Variants in AMPH observed in about 807,000 individuals in gnomAD.
AMPH encodes amphiphysin.
AMPH carries 49 observed loss-of-function variants against 99.1 expected under a neutral mutation model. That is an observed-to-expected ratio of 0.49 (90% CI 0.39 to 0.63). AMPH has a LOEUF of 0.63. Ranked by LOEUF, AMPH falls within the 20% of genes least tolerant of loss-of-function variation. The pLI is 0.00. For missense variants in AMPH, 759 were observed against 863.4 expected, an observed-to-expected ratio of 0.88 and a Z score of 1.52; for synonymous variants, 314 against 317.3, an observed-to-expected ratio of 0.99 and a Z score of 0.11.
At chr7:38,528,471 G>A (rs1790274516) in intron 2 of AMPH, among the ~76,000 whole-genome samples, 3 of 152,110 alleles carry the variant, frequency 2.0e-5, no homozygotes, top group Admixed American at 1.3e-4. Context: ...AGTGGTTTGT[G>A]ATTGTAAAGG....
intron 5 of AMPH, among the ~76,000 whole-genome samples, chr7:38,478,685 TA>T (rs1233558739): frequency 6.6e-6 from 1 of 152,122 alleles, no homozygotes; most frequent in Admixed American, 6.5e-5. Flanking sequence ...TGACTACGAC[TA>T]ATATGTTAAA....
intron 2 of AMPH, among the ~76,000 whole-genome samples, chr7:38,521,912 C>G (rs1272462723): frequency 3.3e-5 from 5 of 152,290 alleles, no homozygotes; most frequent in African/African-American, 1.2e-4. Context: ...TGTCACCAGA[C>G]ATTGAAAATT....
chr7:38,609,504 GA>G (rs1793551554), intron 1 of AMPH, among the ~76,000 whole-genome samples: 1 of 152,098 alleles, frequency 6.6e-6, no homozygotes, highest in Non-Finnish European at 1.5e-5. Context: ...GACATCCCAG[GA>G]ATTCCACAAA....
In AMPH at chr7:38,417,826, A is replaced by C. The variant is rs1298578737; in HGVS notation, c.1397T>G (p.Val466Gly). 6.2e-7 allele frequency: 1 copy of C among 1,613,870 alleles called. No homozygotes were observed. Among genetic ancestry groups the C allele is most frequent in the South Asian group, 1.1e-5 (1 of 91,072 alleles). Residue 466 changes from valine (V) to glycine (G), a missense_variant and splice_region_variant, in exon 17 of 21, where the codon GTG (valine) becomes GGG (glycine). This residue lies in a region of AMPH where 554 missense variants were observed against 575.6 expected (regional missense o/e 0.96). Coordinates refer to ENST00000356264, the MANE Select transcript of AMPH (RefSeq NM_001635.4). The stretch of plus-strand genomic sequence containing the variant: ...GGGTGAGAGGGAGGTGGTGCTCACC[A>C]CTGCCTCCTCCACTGGCTCCTCAGC... ...TRAEEPVEEA[V>G]IIPGADADAA...
intron 1 of AMPH, among the ~76,000 whole-genome samples, chr7:38,586,833 A>C (rs1188085298): frequency 6.6e-6 from 1 of 152,258 alleles, no homozygotes; most frequent in South Asian, 2.1e-4. Flanking sequence ...CCAACAGGAT[A>C]GATCTATTTT....
At chr7:38,386,457 A>G (rs1206884275) in intron 20 of AMPH, among the ~76,000 whole-genome samples, 2 of 152,212 alleles carry the variant, frequency 1.3e-5, no homozygotes, top group Admixed American at 1.3e-4. Context: ...TCCAACACAT[A>G]TAATCTGAAA....
At chr7:38,512,080 T>G (rs1028028513) in intron 2 of AMPH, among the ~76,000 whole-genome samples, 1 of 152,226 alleles carries the variant, frequency 6.6e-6, no homozygotes, top group African/African-American at 2.4e-5. Flanking sequence ...GTCTGTCACT[T>G]AATGGACACT....
chr7:38,496,479 A>G (rs920441701), intron 3 of AMPH, among the ~76,000 whole-genome samples: 1 of 152,092 alleles, frequency 6.6e-6, no homozygotes, highest in African/African-American at 2.4e-5. Flanking sequence ...GCCCTTGCAG[A>G]GTCTGGGGTA....
At chr7:38,503,029 T>C (rs1789197490) in intron 3 of AMPH, among the ~76,000 whole-genome samples, 1 of 118,794 alleles carries the variant, frequency 8.4e-6, no homozygotes, top group Non-Finnish European at 1.7e-5. Flanking sequence ...AGCGTGATGA[T>C]GGATAGCAGG....
chr7:38,443,094 G>C (rs115750403), intron 11 of AMPH, among the ~76,000 whole-genome samples: 2 of 151,956 alleles, frequency 1.3e-5, no homozygotes, highest in African/African-American at 4.8e-5. Flanking sequence ...ATGAACCACT[G>C]TACTCCAAAT....
intron 2 of AMPH, among the ~76,000 whole-genome samples, chr7:38,506,220 C>G (rs189246357): frequency 1.3e-5 from 2 of 152,178 alleles, no homozygotes; most frequent in African/African-American, 4.8e-5. Flanking sequence ...CTAGCCCAAA[C>G]TGCCCAGTAA....
intron 9 of AMPH, among the ~76,000 whole-genome samples, chr7:38,464,390 C>A (rs1206172483): frequency 1.3e-5 from 2 of 152,176 alleles, no homozygotes; most frequent in African/African-American, 2.4e-5. Context: ...AGGCAATATT[C>A]TTTCCCTTAG....
intron 1 of AMPH, among the ~76,000 whole-genome samples, chr7:38,613,217 C>A (rs1032890132): frequency 1.6e-4 from 24 of 152,136 alleles, no homozygotes; most frequent in Non-Finnish European, 2.9e-5. Context: ...TAAATTGTAC[C>A]AAAATCTTTC....
chr7:38,493,232 G>A (rs917395168), intron 4 of AMPH, among the ~76,000 whole-genome samples: 1 of 152,144 alleles, frequency 6.6e-6, no homozygotes, highest in African/African-American at 2.4e-5. Flanking sequence ...CCTGAGCTCT[G>A]GCTGCCACAT....
intron 7 of AMPH, among the ~76,000 whole-genome samples, chr7:38,473,922 A>G (rs1199381452): frequency 1.3e-5 from 2 of 152,062 alleles, no homozygotes; most frequent in African/African-American, 4.8e-5. Flanking sequence ...GGTTGTTTAA[A>G]TCCTCTCTGG....
Position 38,394,059 on chromosome 7 carries a change from C to A in AMPH, c.1554G>T (p.Glu518Asp). The A allele has an allele frequency of 6.2e-7, 1 of 1,614,188 alleles. No homozygotes were observed. Among genetic ancestry groups the A allele is most frequent in the Non-Finnish European group, 8.5e-7 (1 of 1,180,038 alleles). ...EEAKIGTETT[E>D]GAESAQPEAE... ...CTTCAGGTTGGGCACTCTCTGCACC[C>A]TCAGTGGTTTCAGTTCCAATTTTGG... Residue 518 changes from glutamate (E) to aspartate (D), a missense_variant, in exon 18 of 21, where the codon GAG (glutamate) becomes GAT (aspartate). Glu to Asp is a conservative substitution (Grantham distance 45). Coordinates refer to ENST00000356264, the MANE Select transcript of AMPH (RefSeq NM_001635.4).
rs1401488477 is a variant in AMPH at position 38,391,729 on chromosome 7, A to G, written c.1878+19T>C. 1 of 1,605,710 alleles carries G rather than the reference A, an allele frequency of 6.2e-7. No individual in the cohort carries two copies. The highest frequency in any genetic ancestry group is 2.2e-5 in the East Asian group (1 of 44,842). ...TTAAAGCAAAAAAAGGATAAATGAG[A>G]CTTAAAAAATAAGAATACCTTGTAG... On this transcript the variant is annotated intron_variant, in intron 19 of 20. Coordinates refer to ENST00000356264, the MANE Select transcript of AMPH (RefSeq NM_001635.4).
intron 17 of AMPH, among the ~76,000 whole-genome samples, chr7:38,402,442 A>G (rs1405896399): frequency 6.6e-6 from 1 of 152,234 alleles, no homozygotes; most frequent in African/African-American, 2.4e-5. Context: ...TCAAATCAGG[A>G]GAAATCTCTA....
intron 1 of AMPH, among the ~76,000 whole-genome samples, chr7:38,630,780 G>C (rs925243374): frequency 6.6e-6 from 1 of 152,192 alleles, no homozygotes; most frequent in Non-Finnish European, 1.5e-5. Context: ...AATCGTTCGT[G>C]TCTGCTGCAC....
Sources: gnomAD v4.1 joint callset for allele counts (sites outside exome capture counted in the v4.1 genomes callset) on GRCh38, gnomAD v4.1.1 for gene constraint, gnomAD v4.1.1 regional missense constraint, MANE v1.5 for transcripts, NCBI Gene and HGNC (gene_info 2026-07-23, HGNC 2026-07-21) for gene names.